The following MYOM2 variants were observed in gnomAD, a reference collection of about 807,000 sequenced individuals.
The protein encoded by MYOM2 is myomesin-2.
MYOM2 carries 254 observed loss-of-function variants against 187.6 expected under a neutral mutation model. The ratio of observed to expected loss-of-function variants is 1.35; its 90% CI spans 1.22 to 1.50. The LOEUF is 1.50. MYOM2 is among the 40% of genes most tolerant of loss of function. The pLI is 0.00. For missense variants in MYOM2, 2,796 were observed against 1,924.0 expected (o/e 1.45, Z -8.48); for synonymous variants, 981 against 753.8 (o/e 1.30, Z -4.94).
rs1798416000 is a variant in MYOM2, at chr8:2,145,053, T to A, written c.*72T>A. 2 of 1,530,110 alleles carry A rather than the reference T, an allele frequency of 1.3e-6. No individual in the cohort carries two copies. Among genetic ancestry groups the A allele is most frequent in the African/African-American group, 2.8e-5 (2 of 71,632 alleles). 94.8% of individuals were successfully genotyped at this position (1,530,110 alleles called of 1,614,324 possible). ...AGGAATGCTGTGTGCTTGTTCCAAA[T>A]GAGCAGCTGGCATCCGAGTGGTGTC... On this transcript the variant is annotated 3_prime_UTR_variant, in exon 37 of 37. Coordinates refer to ENST00000262113, the MANE Select transcript of MYOM2 (RefSeq NM_003970.4).
intron 30 of MYOM2, 59 bp downstream of exon 30, chr8:2,123,701 A>T: frequency 1.4e-6 from 2 of 1,455,772 alleles, no homozygotes; most frequent in Admixed American, 1.7e-5. Flanking sequence ...ACAGGATGGG[A>T]TGTATTCTGA....
At chr8:2,050,600 A>G (rs1170774632) in intron 1 of MYOM2, among the ~76,000 whole-genome samples, 155 bp from the exon 2 acceptor site, 2 of 152,206 alleles carry the variant, frequency 1.3e-5, no homozygotes, top group Non-Finnish European at 2.9e-5. Flanking sequence ...CTGCTGGTCT[A>G]AGGTGATTTC....
chr8:2,052,205 C>G lies in MYOM2; in HGVS notation c.155C>G (p.Ser52Trp). The G allele has an allele frequency of 1.2e-6, 2 of 1,613,174 alleles. No individual in the cohort carries two copies. The highest frequency in any genetic ancestry group is 1.7e-6 in the Non-Finnish European group (2 of 1,179,664). Residue 52 changes from serine to tryptophan, a missense_variant, in exon 3 of 37, where the codon TCG becomes TGG. Coordinates refer to ENST00000262113, the MANE Select transcript of MYOM2 (RefSeq NM_003970.4). ...TCCCAGAAGTCCTTGAGTCAGCGGTCGTCTTCACAGAGAGCCTCCAGCCAG... is the reference window on the plus strand; with the variant it reads ...TCCCAGAAGTCCTTGAGTCAGCGGTGGTCTTCACAGAGAGCCTCCAGCCAG... ...ASSQKSLSQR[S>W]SSQRASSQTS... is the part of the protein sequence containing the mutation.
At chr8:2,119,891 T>A (rs1797368752) in intron 28 of MYOM2, among the ~76,000 whole-genome samples, 1 of 151,846 alleles carries the variant, frequency 6.6e-6, no homozygotes, top group African/African-American at 2.4e-5. Context: ...GCGGGGGGGA[T>A]GCCAAAAACC....
intron 25 of MYOM2, 36 bp from the exon 26 acceptor site, chr8:2,115,924 T>A (rs768322648): frequency 2.5e-6 from 4 of 1,599,422 alleles, no homozygotes; most frequent in African/African-American, 1.3e-5. Flanking sequence ...AGAGATTTCC[T>A]TGTATAATTC....
At chr8:2,091,257 C>T (rs906006307) in intron 15 of MYOM2, among the ~76,000 whole-genome samples, 1 of 151,966 alleles carries the variant, frequency 6.6e-6, no homozygotes, top group East Asian at 1.9e-4. Flanking sequence ...TTGCCCAGGC[C>T]AGTCTCGAAC....
chr8:2,088,395 G>A lies in MYOM2; in HGVS notation c.1645-1613G>A, dbSNP rs563457397. Among the ~76,000 whole-genome samples, 7 of 152,354 alleles carry A rather than the reference G, an allele frequency of 4.6e-5. No homozygotes were observed. The East Asian group carries it at 1.2e-3, about 25-fold the overall frequency. On this transcript the variant is annotated intron_variant, in intron 14 of 36. Coordinates refer to ENST00000262113, the MANE Select transcript of MYOM2 (RefSeq NM_003970.4). Reference sequence around the variant, plus strand: ...GTTGATCTCGTCACCCAGGTAGTGAGCACAGCACCCCATAGGTGGTTTTTC... The same window carrying A: ...GTTGATCTCGTCACCCAGGTAGTGAACACAGCACCCCATAGGTGGTTTTTC...
intron 31 of MYOM2, among the ~76,000 whole-genome samples, chr8:2,125,289 T>A (rs1348570301): frequency 6.6e-6 from 1 of 152,220 alleles, no homozygotes; most frequent in East Asian, 1.9e-4. Flanking sequence ...AAAGCGCCAA[T>A]TTCACTCTTC....
chr8:2,123,654 C>T lies in MYOM2; in HGVS notation c.3655+12C>T, dbSNP rs751011156. On this transcript the variant is annotated intron_variant, in intron 30 of 36. Coordinates refer to ENST00000262113, the MANE Select transcript of MYOM2 (RefSeq NM_003970.4). The stretch of plus-strand genomic sequence containing the variant: ...AATAGCTGGCAAAGGTAAAAGAAAA[C>T]CTCCTTTGTTCTGTGAACAAGAAAT... 13 of 1,610,718 alleles carry T rather than the reference C, an allele frequency of 8.1e-6. No individual in the cohort carries two copies. The highest frequency in any genetic ancestry group is 1.0e-5 in the Non-Finnish European group (12 of 1,176,960).
At chr8:2,053,049 C>G (rs939957631) in intron 3 of MYOM2, among the ~76,000 whole-genome samples, 1 of 152,168 alleles carries the variant, frequency 6.6e-6, no homozygotes, top group African/African-American at 2.4e-5. Context: ...TCGCGGGTGC[C>G]TTGTTTTATA....
At chr8:2,056,194 A>G (rs1000240801) in intron 3 of MYOM2, among the ~76,000 whole-genome samples, 2 of 152,192 alleles carry the variant, frequency 1.3e-5, no homozygotes, top group African/African-American at 2.4e-5. Context: ...CGTTCAAGAC[A>G]CAGGGGAGAG....
At chr8:2,080,263 A>G (rs1819575289) in intron 13 of MYOM2, among the ~76,000 whole-genome samples, 1 of 151,882 alleles carries the variant, frequency 6.6e-6, no homozygotes, top group Non-Finnish European at 1.5e-5. Flanking sequence ...GCCACTGGCT[A>G]GAGAGAGGTG....
chr8:2,053,193 A>T (rs1157228065), intron 3 of MYOM2, among the ~76,000 whole-genome samples: 1 of 152,248 alleles, frequency 6.6e-6, no homozygotes, highest in African/African-American at 2.4e-5. Context: ...AGAAAGATGA[A>T]GTCATCTGTT....
chr8:2,138,915 A>G, intron 32 of MYOM2, among the ~76,000 whole-genome samples: 1 of 151,982 alleles, frequency 6.6e-6, no homozygotes, highest in African/African-American at 2.4e-5. Context: ...CTGTGCCTTC[A>G]CAGAACTCCC....
At position 2,144,751 on chromosome 8, in the gene MYOM2, C is replaced by G; in HGVS notation, c.4168C>G (p.His1390Asp). ...KNDQDIQLSEHFSVKVEQAKY... is the reference protein window; with the variant it reads ...KNDQDIQLSEDFSVKVEQAKY... ...CGACCAGGACATCCAGCTCAGCGAG[C>G]ACTTCTCGGTGAAGGTGGAGCAGGC... The change falls in exon 37 of 37, where the codon CAC (histidine) becomes GAC (aspartate). Residue 1390 changes from histidine to aspartate, a missense_variant. His to Asp is a moderately conservative substitution (Grantham distance 81). Transcript: ENST00000262113. 6.2e-7 allele frequency: 1 copy of G among 1,614,162 alleles called. No homozygotes were observed. The highest frequency in any genetic ancestry group is 8.5e-7 in the Non-Finnish European group (1 of 1,180,034).
intron 27 of MYOM2, among the ~76,000 whole-genome samples, chr8:2,117,572 C>A (rs1797290366): frequency 6.6e-6 from 1 of 152,120 alleles, no homozygotes; most frequent in Admixed American, 6.5e-5. Flanking sequence ...AGCCTCCTTT[C>A]TGAAGAGCAA....
chr8:2,142,861 T>C (rs1798325253), intron 35 of MYOM2, among the ~76,000 whole-genome samples: 1 of 151,370 alleles, frequency 6.6e-6, no homozygotes, highest in Non-Finnish European at 1.5e-5. Context: ...GTTCAAGCGA[T>C]TCTCCTGCCT....
chr8:2,117,303 T>G (rs4876223), intron 27 of MYOM2, among the ~76,000 whole-genome samples: 102,737 of 152,010 alleles, frequency 0.68, 34,919 homozygotes, highest in Admixed American at 0.72. Context: ...ATTTTTGCAT[T>G]GAATGGCAAA....
rs142707279 is a variant in MYOM2 at position 2,087,498 on chromosome 8, A to G, written c.1644+2108A>G. 7.6e-3 allele frequency among the ~76,000 whole-genome samples: 1,152 copies of G among 152,356 alleles called. 7 individuals are homozygous for G. Among genetic ancestry groups the G allele is most frequent in the Non-Finnish European group, 0.013 (912 of 68,032 alleles). ...ACAAAATATAGTTATTTGTGTTACG[A>G]AAATACAAGTGGTCAGTCCCTCTGT... On this transcript the variant is annotated intron_variant, in intron 14 of 36. Transcript: ENST00000262113.
Sources: allele counts gnomAD v4.1 joint callset (sites outside exome capture counted in the v4.1 genomes callset), GRCh38; gene constraint gnomAD v4.1.1; transcripts MANE v1.5; gene names NCBI Gene and HGNC (gene_info 2026-07-23, HGNC 2026-07-21).